MAP2K4: variants seen among roughly 807,000 people sequenced by gnomAD.
MAP2K4 encodes mitogen-activated protein kinase kinase 4.
MAP2K4 carries 4 observed loss-of-function variants against 48.5 expected under a neutral mutation model. The ratio of observed to expected loss-of-function variants is 0.08; its 90% CI spans 0.04 to 0.19. The LOEUF (loss-of-function observed/expected upper bound fraction) is 0.19. Ranked by LOEUF, MAP2K4 falls within the 10% of genes least tolerant of loss-of-function variation. The pLI is 1.00. For synonymous variants in MAP2K4, 166 were observed against 173.1 expected (o/e 0.96, Z 0.32); for missense variants, 258 against 493.3 (o/e 0.52, Z 4.52).
At chr17:12,094,858 C>T (rs1971681875) in intron 3 of MAP2K4, among the ~76,000 whole-genome samples, 1 of 152,122 alleles carries the variant, frequency 6.6e-6, no homozygotes, top group African/African-American at 2.4e-5. Flanking sequence ...TAGGAATAGA[C>T]AAAAAGAGCC....
At chr17:12,079,373 C>G (rs1328384723) in intron 2 of MAP2K4, among the ~76,000 whole-genome samples, 2 of 151,978 alleles carry the variant, frequency 1.3e-5, no homozygotes, top group Non-Finnish European at 2.9e-5. Context: ...AATGAAATAT[C>G]TTTCATTTCA....
intron 1 of MAP2K4, among the ~76,000 whole-genome samples, chr17:12,048,961 A>T (rs190554386): frequency 6.6e-6 from 1 of 152,204 alleles, no homozygotes; most frequent in African/African-American, 2.4e-5. Context: ...CTGACCTAAC[A>T]TCTCTTTTTC....
intron 2 of MAP2K4, among the ~76,000 whole-genome samples, chr17:12,065,244 T>TA: frequency 7.1e-6 from 1 of 141,728 alleles, no homozygotes. Flanking sequence ...ACAATAACAA[T>TA]TATATATATA....
intron 3 of MAP2K4, among the ~76,000 whole-genome samples, chr17:12,083,959 A>G (rs1488989771): frequency 6.6e-6 from 1 of 152,228 alleles, no homozygotes; most frequent in Admixed American, 6.5e-5. Flanking sequence ...CTCTGTGCTA[A>G]CATCTTAATA....
intron 1 of MAP2K4, among the ~76,000 whole-genome samples, chr17:12,027,136 G>T (rs1267066558): frequency 6.6e-6 from 1 of 152,116 alleles, no homozygotes; most frequent in Non-Finnish European, 1.5e-5. Context: ...AAATCTTCAG[G>T]TGTCTCTTCA....
chr17:12,033,709 A>T (rs1969508638), intron 1 of MAP2K4, among the ~76,000 whole-genome samples: 1 of 152,204 alleles, frequency 6.6e-6, no homozygotes. Context: ...GATAATTTTT[A>T]GCTTTGACTT....
At chr17:12,120,263 C>T (rs1972642358) in intron 7 of MAP2K4, among the ~76,000 whole-genome samples, 1 of 151,984 alleles carries the variant, frequency 6.6e-6, no homozygotes, top group Admixed American at 6.6e-5. Context: ...GAATTCAAGA[C>T]CAGCCTGGCC....
chr17:12,135,635 C>T (rs1033722677), intron 9 of MAP2K4, among the ~76,000 whole-genome samples: 1 of 151,984 alleles, frequency 6.6e-6, no homozygotes, highest in Admixed American at 6.6e-5. Flanking sequence ...CTGCAGCCTC[C>T]ACCTCCCAGG....
intron 1 of MAP2K4, among the ~76,000 whole-genome samples, chr17:12,035,517 AAAAT>A (rs952727524): frequency 1.3e-5 from 2 of 152,210 alleles, no homozygotes; most frequent in African/African-American, 4.8e-5. Context: ...ACTCCGTCTC[AAAAT>A]AAATAAATAA....
chr17:12,059,767 A>G (rs1260166583), intron 2 of MAP2K4, among the ~76,000 whole-genome samples: 8 of 152,234 alleles, frequency 5.3e-5, no homozygotes, highest in Admixed American at 4.6e-4. Flanking sequence ...GTTAATAACT[A>G]ATATTCCTCG....
intron 10 of MAP2K4, among the ~76,000 whole-genome samples, chr17:12,140,840 CTGAG>C (rs1973354564): frequency 1.3e-5 from 2 of 152,296 alleles, no homozygotes; most frequent in South Asian, 4.1e-4. Flanking sequence ...ATGTTTTGTG[CTGAG>C]TGACAACTTG....
At chr17:12,094,902 G>A (rs935956241) in intron 3 of MAP2K4, among the ~76,000 whole-genome samples, 1 of 152,156 alleles carries the variant, frequency 6.6e-6, no homozygotes, top group African/African-American at 2.4e-5. Context: ...TTCTTCCACA[G>A]GTTTATGCTG....
chr17:12,040,203 T>C lies in MAP2K4; in HGVS notation c.116-14686T>C, dbSNP rs369459217. On this transcript the variant is annotated intron_variant, in intron 1 of 10. Coordinates refer to ENST00000353533, the MANE Select transcript of MAP2K4 (RefSeq NM_003010.4). The stretch of plus-strand genomic sequence containing the variant: ...ACTTTGCCTACATTAATTATTTTCT[T>C]AGGAAGAGGTTGACTCTCATTTTCA... Among the ~76,000 whole-genome samples, 5 of 152,168 alleles carry C rather than the reference T, an allele frequency of 3.3e-5. No individual in the cohort carries two copies. In the South Asian group the frequency reaches 1.0e-3, roughly 32 times the overall value.
At chr17:12,082,470 T>A (rs191472092) in intron 3 of MAP2K4, among the ~76,000 whole-genome samples, 36 of 152,334 alleles carry the variant, frequency 2.4e-4, no homozygotes, top group Admixed American at 3.3e-4. Flanking sequence ...TCCAAGCTAA[T>A]CATCTTCCTA....
At chr17:12,027,034 T>A (rs573163688) in intron 1 of MAP2K4, 2 of 151,680 alleles carry the variant, frequency 1.3e-5, no homozygotes, top group Non-Finnish European at 2.9e-5. Context: ...TTAACAAATG[T>A]TGTCGTTCTG....
At chr17:12,033,916 A>G (rs188549730) in intron 1 of MAP2K4, among the ~76,000 whole-genome samples, 75 of 152,210 alleles carry the variant, frequency 4.9e-4, no homozygotes, top group Non-Finnish European at 9.3e-4. Flanking sequence ...CAGCCTCCCA[A>G]GCAGCTGGGA....
At chr17:12,097,262 G>T (rs925093011) in intron 4 of MAP2K4, among the ~76,000 whole-genome samples, 4 of 152,092 alleles carry the variant, frequency 2.6e-5, no homozygotes, top group Non-Finnish European at 5.9e-5. Flanking sequence ...TAGATTCTGT[G>T]GTCAACTTTT....
intron 2 of MAP2K4, among the ~76,000 whole-genome samples, chr17:12,066,804 C>T (rs1231273962): frequency 4.6e-5 from 7 of 152,202 alleles, no homozygotes; most frequent in Non-Finnish European, 1.0e-4. Context: ...ATTCTCCTGC[C>T]TCAGCCTCCC....
At position 12,137,552 on chromosome 17, in the gene MAP2K4, G is replaced by A. The variant is rs562376357; in HGVS notation, c.1041-2287G>A. Among the ~76,000 whole-genome samples the A allele has an allele frequency of 3.9e-5, 6 of 152,272 alleles. 1 individual carries two copies. In the South Asian group the frequency reaches 1.2e-3, roughly 32 times the overall value. On this transcript the variant is annotated intron_variant, in intron 9 of 10. Transcript: ENST00000353533. Reference sequence around the variant, plus strand: ...ATTGAAGACAAAATTAGGGAAATAGGAGCTGAGACGTTCCCCCAGCATGGC... The same window carrying A: ...ATTGAAGACAAAATTAGGGAAATAGAAGCTGAGACGTTCCCCCAGCATGGC...
Sources: allele counts gnomAD v4.1 joint callset (sites outside exome capture counted in the v4.1 genomes callset), GRCh38; gene constraint gnomAD v4.1.1; transcripts MANE v1.5; gene names NCBI Gene and HGNC (gene_info 2026-07-23, HGNC 2026-07-21).